Variants in FAHD1 observed in about 807,000 individuals in gnomAD.
FAHD1 encodes FAH domain containing oxaloacetate decarboxylase 1.
A neutral mutation model predicts 12.7 loss-of-function variants in FAHD1; 14 were observed. The observed-to-expected ratio is 1.10, with a 90% CI of 0.73 to 1.72. FAHD1 has a LOEUF of 1.72. Among genes scored for constraint, FAHD1 ranks in the 40% most tolerant of loss-of-function variants. The pLI, the probability that FAHD1 is intolerant of heterozygous loss-of-function variation, is 0.00. For synonymous variants in FAHD1, 153 were observed against 124.9 expected, an observed-to-expected ratio of 1.22 and a Z score of -1.50; for missense variants, 351 against 298.9, an observed-to-expected ratio of 1.17 and a Z score of -1.29.
At chr16:1,830,323 A>T (rs1007174185), downstream of FAHD1, among the ~76,000 whole-genome samples, 6 of 152,194 alleles carry the variant, frequency 3.9e-5, no homozygotes, top group African/African-American at 1.4e-4. Context: ...ATGATTTGCT[A>T]GTATCAGCAC....
chr16:1,827,477 G>T, exon 1 of FAHD1: 1 of 1,611,794 alleles, frequency 6.2e-7, no homozygotes, highest in Non-Finnish European at 8.5e-7. Flanking sequence ...AAGCGCTGCC[G>T]CGCAGTCCCC....
At chr16:1,838,084 A>G in exon 2 of FAHD1, 1 of 837,094 alleles carries the variant, frequency 1.2e-6, no homozygotes, top group Non-Finnish European at 1.8e-6. Flanking sequence ...GCAGCCTCGA[A>G]CTCCCGGGGT....
chr16:1,840,184 A>G (rs901000521), exon 3 of FAHD1: 1 of 152,218 alleles, frequency 6.6e-6, no homozygotes, highest in Admixed American at 6.5e-5. Context: ...CTCAGATATC[A>G]ATAATAAATG....
At chr16:1,838,485 A>G (rs62038408) in intron 2 of FAHD1, among the ~76,000 whole-genome samples, 27,082 of 152,180 alleles carry the variant, frequency 0.18, 2,572 homozygotes, top group South Asian at 0.27. Flanking sequence ...CTATTGCCAA[A>G]TGCACATGCT....
At chr16:1,833,638 T>C (rs1898665404), downstream of FAHD1, among the ~76,000 whole-genome samples, 1 of 143,554 alleles carries the variant, frequency 7.0e-6, no homozygotes. Context: ...CTCAGCTCAC[T>C]ACAACCTCCT....
At chr16:1,827,505 C>T (rs1898509227) in exon 1 of FAHD1, 1 of 1,612,874 alleles carries the variant, frequency 6.2e-7, no homozygotes, top group African/African-American at 1.3e-5. Flanking sequence ...CGGCCATGGA[C>T]TACGTGGGCG....
At chr16:1,837,799 G>A (rs1898789442) in intron 1 of FAHD1, 2 of 1,521,382 alleles carry the variant, frequency 1.3e-6, no homozygotes, top group South Asian at 2.5e-5. Flanking sequence ...AATAAATTTT[G>A]CTTCTTTCCA....
intron 1 of FAHD1, chr16:1,837,755 A>G: frequency 9.0e-7 from 1 of 1,108,442 alleles, no homozygotes; most frequent in Non-Finnish European, 1.3e-6. Context: ...AAATATATAG[A>G]ATAATATGGG....
exon 1 of FAHD1, chr16:1,827,296 G>C (rs145433996): frequency 1.6e-5 from 26 of 1,613,088 alleles, no homozygotes; most frequent in Non-Finnish European, 1.9e-5. Flanking sequence ...CATCGTCTGC[G>C]TGGGGAGGAA....
downstream of FAHD1, among the ~76,000 whole-genome samples, chr16:1,829,412 C>G (rs913123791): frequency 6.6e-6 from 1 of 152,116 alleles, no homozygotes; most frequent in Non-Finnish European, 1.5e-5. Flanking sequence ...GAAGACAGAT[C>G]TAGAGGCTGC....
At chr16:1,834,432 A>G in intron 1 of FAHD1, 3 of 846,826 alleles carry the variant, frequency 3.5e-6, no homozygotes, top group Non-Finnish European at 5.9e-6. Context: ...TATCAAGTTG[A>G]AAAATCAATG....
exon 1 of FAHD1, chr16:1,827,844 C>T: frequency 6.2e-7 from 1 of 1,614,006 alleles, no homozygotes; most frequent in Non-Finnish European, 8.5e-7. Context: ...ACGATGAGAT[C>T]GAGGCTGGCA....
exon 1 of FAHD1, chr16:1,827,561 A>T (rs746083064): frequency 5.6e-6 from 9 of 1,613,328 alleles, no homozygotes; most frequent in Non-Finnish European, 6.8e-6. Context: ...GTGCAGGACG[A>T]GTGCAAGAAG....
chr16:1,828,483 AC>A, exon 1 of FAHD1: 2 of 1,000,656 alleles, frequency 2.0e-6, no homozygotes, highest in Non-Finnish European at 2.4e-6. Flanking sequence ...ATTAGAGAAG[AC>A]TTTTCAGTGG....
exon 1 of FAHD1, chr16:1,827,564 G>A (rs1381907311): frequency 1.2e-6 from 2 of 1,613,468 alleles, no homozygotes; most frequent in African/African-American, 1.3e-5. Flanking sequence ...CAGGACGAGT[G>A]CAAGAAGAAG....
At chr16:1,827,374 T>C (rs1210104486) in exon 1 of FAHD1, 2 of 1,612,398 alleles carry the variant, frequency 1.2e-6, no homozygotes, top group African/African-American at 1.3e-5. Flanking sequence ...CCTGAAGCCG[T>C]CCACGGCCTA....
chr16:1,839,129 T>A, intron 2 of FAHD1: 1 of 1,154,138 alleles, frequency 8.7e-7, no homozygotes, highest in East Asian at 2.7e-5. Context: ...GCAAGATGAT[T>A]TTTTCCCAGG....
At chr16:1,827,982 A>C in exon 1 of FAHD1, 1 of 1,545,308 alleles carries the variant, frequency 6.5e-7, no homozygotes, top group Non-Finnish European at 8.7e-7. Context: ...ACAATCCTTT[A>C]ATTAGAAACC....
chr16:1,834,132 T>G (rs750259111), intron 1 of FAHD1: 2 of 613,974 alleles, frequency 3.3e-6, no homozygotes, highest in Non-Finnish European at 5.8e-6. Context: ...CATAACAATT[T>G]CTAGAAACAT....
Sources: allele counts gnomAD v4.1 joint callset (sites outside exome capture counted in the v4.1 genomes callset), GRCh38; gene constraint gnomAD v4.1.1; transcripts MANE v1.5; gene names NCBI Gene and HGNC (gene_info 2026-07-23, HGNC 2026-07-21).